KAT6B: variants seen among roughly 807,000 people sequenced by gnomAD.
KAT6B encodes lysine acetyltransferase 6B, also known as histone acetyltransferase KAT6B.
In KAT6B, 10 loss-of-function variants were observed where a neutral mutation model predicts 187.5. That is an observed-to-expected ratio of 0.05 (90% confidence interval 0.03 to 0.09). The LOEUF is 0.09. Ranked by LOEUF, KAT6B falls within the 10% of genes least tolerant of loss-of-function variation. KAT6B has a pLI of 1.00. For synonymous variants in KAT6B, 861 were observed against 926.8 expected (o/e 0.93, Z 1.29); for missense variants, 1,952 against 2,558.9 (o/e 0.76, Z 5.12).
At chr10:74,965,363 T>C (rs1295384474) in intron 4 of KAT6B, among the ~76,000 whole-genome samples, 2 of 152,184 alleles carry the variant, frequency 1.3e-5, no homozygotes, top group African/African-American at 2.4e-5. Context: ...AGCCACCCCA[T>C]TGTAAGGCAT....
At chr10:74,854,371 A>G (rs569787730) in intron 3 of KAT6B, among the ~76,000 whole-genome samples, 25 of 152,308 alleles carry the variant, frequency 1.6e-4, no homozygotes, top group African/African-American at 6.0e-4. Context: ...GAAGCACTTT[A>G]CCAGAGAAGT....
At chr10:74,890,420 C>T (rs1845567296) in intron 3 of KAT6B, among the ~76,000 whole-genome samples, 1 of 152,084 alleles carries the variant, frequency 6.6e-6, no homozygotes, top group Non-Finnish European at 1.5e-5. Flanking sequence ...AGGCAGATTG[C>T]TTGAGGCTAG....
At chr10:74,961,886 A>G (rs1841120133) in intron 4 of KAT6B, among the ~76,000 whole-genome samples, 1 of 152,202 alleles carries the variant, frequency 6.6e-6, no homozygotes. Flanking sequence ...ACTTGAGGAT[A>G]CTGTCCAGAG....
chr10:74,876,330 T>C (rs1844415706), intron 3 of KAT6B, among the ~76,000 whole-genome samples: 1 of 152,236 alleles, frequency 6.6e-6, no homozygotes, highest in Admixed American at 6.5e-5. Context: ...ATAAGTGCTC[T>C]TTCTTTGTGA....
In KAT6B at chr10:74,914,722, G is replaced by A. The variant is rs115876400; in HGVS notation, c.622-45248G>A. On this transcript the variant is annotated intron_variant, in intron 3 of 17. Coordinates refer to ENST00000287239, the MANE Select transcript of KAT6B (RefSeq NM_012330.4). ...TCAGTGCAAATTGATATTTTTTTCT[G>A]TTGACACATTCTACTTTGTTTTCGA... is the stretch of plus-strand genomic sequence containing the variant. Among the ~76,000 whole-genome samples the A allele has an allele frequency of 9.3e-3, 1,411 of 152,122 alleles. 22 individuals carry two copies. Among genetic ancestry groups the A allele is most frequent in the African/African-American group, 0.033 (1,350 of 41,492 alleles).
chr10:74,966,286 G>A (rs1221822346), intron 4 of KAT6B, among the ~76,000 whole-genome samples: 1 of 152,162 alleles, frequency 6.6e-6, no homozygotes, highest in Admixed American at 6.5e-5. Flanking sequence ...AATGTGATTA[G>A]ATCAATCATG....
chr10:74,863,359 T>C (rs1176782886), intron 3 of KAT6B, among the ~76,000 whole-genome samples: 1 of 152,228 alleles, frequency 6.6e-6, no homozygotes, highest in Non-Finnish European at 1.5e-5. Flanking sequence ...ATAGTATTTA[T>C]GTCTTTATCC....
intron 13 of KAT6B, among the ~76,000 whole-genome samples, chr10:75,010,727 C>T (rs1425172371): frequency 2.0e-5 from 3 of 152,186 alleles, no homozygotes; most frequent in African/African-American, 7.2e-5. Context: ...CCACCCTCCA[C>T]CATCGGTCTG....
intron 3 of KAT6B, among the ~76,000 whole-genome samples, chr10:74,939,332 A>G (rs1187224576): frequency 6.6e-6 from 1 of 152,140 alleles, no homozygotes; most frequent in Non-Finnish European, 1.5e-5. Flanking sequence ...TTGTATTATC[A>G]CATACTAGGG....
rs941049308 is a variant in KAT6B, at chr10:74,876,391, A to AT, written c.621+32920dup. ...AGATTTGTTTCAGAAGCTAATCTTC[A>AT]TTTTTTTGGTTGTTGCTTTTTGTAG... On this transcript the variant is annotated intron_variant, in intron 3 of 17. Transcript: ENST00000287239. 6.4e-4 allele frequency among the ~76,000 whole-genome samples: 98 copies of AT among 152,102 alleles called. 2 individuals carry two copies. The highest frequency in any genetic ancestry group is 4.2e-4 in the South Asian group (2 of 4,818).
chr10:74,956,122 G>C (rs372296399), intron 3 of KAT6B, among the ~76,000 whole-genome samples: 3 of 152,078 alleles, frequency 2.0e-5, no homozygotes, highest in Admixed American at 6.5e-5. Context: ...GGGTCTCCCC[G>C]TGTTGCCCAG....
chr10:74,989,054 C>T lies in KAT6B; in HGVS notation c.2571C>T (p.Cys857=). 5 of 1,613,896 alleles carry T rather than the reference C, an allele frequency of 3.1e-6. No homozygotes were observed. Among genetic ancestry groups the T allele is most frequent in the Non-Finnish European group, 4.2e-6 (5 of 1,179,788 alleles). Residue 857 remains cysteine, a synonymous_variant, in exon 13 of 18, where the codon TGC becomes TGT. Transcript: ENST00000287239. The stretch of plus-strand genomic sequence containing the variant: ...GCCAGCAGAAGTATAATGTCTCCTG[C>T]ATAATGATCATGCCCCAGCACCAAA... The part of the protein sequence containing the change: ...KLCQQKYNVS[C]IMIMPQHQRQ...
At chr10:74,992,594 T>A (rs975305936) in intron 13 of KAT6B, among the ~76,000 whole-genome samples, 1 of 152,176 alleles carries the variant, frequency 6.6e-6, no homozygotes, top group Non-Finnish European at 1.5e-5. Context: ...CATAGTAAAG[T>A]TGAACCAAGT....
At chr10:74,995,133 C>T (rs1239632577) in intron 13 of KAT6B, among the ~76,000 whole-genome samples, 1 of 152,130 alleles carries the variant, frequency 6.6e-6, no homozygotes, top group East Asian at 1.9e-4. Flanking sequence ...CCCTAGAATA[C>T]ACAGTAAGTA....
intron 3 of KAT6B, among the ~76,000 whole-genome samples, chr10:74,855,063 G>T (rs1842727607): frequency 6.6e-6 from 1 of 152,184 alleles, no homozygotes; most frequent in South Asian, 2.1e-4. Context: ...ATCTTAGCAT[G>T]CAGGGAAAAA....
In KAT6B at chr10:75,022,156, A is replaced by T; in HGVS notation, c.3297A>T (p.Glu1099Asp). 2.5e-6 allele frequency: 4 copies of T among 1,612,914 alleles called. No homozygotes were observed. The South Asian group carries it at 4.4e-5, about 18-fold the overall frequency. Reference protein sequence around the residue: ...EDEEEEEEEEEEEEEENIQSS... With the variant: ...EDEEEEEEEEDEEEEENIQSS... ...AAGAGGAGGAAGAAGAGGAAGAAGA[A>T]GAAGAAGAAGAAGAAAATATTCAAA... Residue 1099 changes from glutamate to aspartate, a missense_variant, in exon 16 of 18, where the codon GAA (glutamate) becomes GAT (aspartate). Physicochemically the swap from Glu to Asp is conservative, Grantham distance 45. Around this residue, in one of 9 missense-constraint regions of KAT6B, gnomAD observed 758 missense variants for 891.4 expected, o/e 0.85. Transcript: ENST00000287239.
chr10:75,001,446 A>AG (rs1191843492), intron 13 of KAT6B, among the ~76,000 whole-genome samples: 2 of 151,826 alleles, frequency 1.3e-5, no homozygotes, highest in African/African-American at 2.4e-5. Context: ...ATTTCTACCC[A>AG]GGGGGGTATC....
intron 1 of KAT6B, among the ~76,000 whole-genome samples, chr10:74,830,648 C>T (rs1409770164): frequency 6.9e-6 from 1 of 145,884 alleles, no homozygotes; most frequent in African/African-American, 2.5e-5. Context: ...CCTCTCCAAT[C>T]TCAGCCTTTT....
chr10:75,016,791 A>G (rs1019077385), intron 13 of KAT6B, among the ~76,000 whole-genome samples: 6 of 150,800 alleles, frequency 4.0e-5, no homozygotes, highest in African/African-American at 9.8e-5. Flanking sequence ...ATGGGAATCT[A>G]TTCACCAGGG....
Sources: gnomAD v4.1 joint callset for allele counts (sites outside exome capture counted in the v4.1 genomes callset) on GRCh38, gnomAD v4.1.1 for gene constraint, gnomAD v4.1.1 regional missense constraint, MANE v1.5 for transcripts, NCBI Gene and HGNC (gene_info 2026-07-23, HGNC 2026-07-21) for gene names.